The following SCHIP1 variants were observed in gnomAD, a reference collection of about 807,000 sequenced individuals.
SCHIP1 encodes schwannomin interacting protein 1, also known as schwannomin-interacting protein 1.
SCHIP1 carries 8 observed loss-of-function variants against 29.7 expected under a neutral mutation model. The ratio of observed to expected loss-of-function variants is 0.27; its 90% confidence interval spans 0.16 to 0.49. The LOEUF (loss-of-function observed/expected upper bound fraction) is 0.49, where lower values mean the gene tolerates loss of function less well. Among genes scored for constraint, SCHIP1 ranks in the 20% least tolerant of loss-of-function variants. SCHIP1 has a pLI of 0.99. For synonymous variants in SCHIP1, 76 were observed against 94.9 expected (o/e 0.80, Z 1.16); for missense variants, 193 against 294.6 (o/e 0.66, Z 2.52).
chr3:159,391,982 A>G, the SCHIP1 span, among the ~76,000 whole-genome samples: 1 of 152,220 alleles, frequency 6.6e-6, no homozygotes, highest in Non-Finnish European at 1.5e-5. Context: ...ACATCAGTAA[A>G]GGTTAGAGCG....
the SCHIP1 span, among the ~76,000 whole-genome samples, chr3:159,663,637 A>G: frequency 1.3e-5 from 2 of 152,236 alleles, no homozygotes; most frequent in Non-Finnish European, 2.9e-5. Flanking sequence ...TGTGTATGAT[A>G]CATACATACA....
the SCHIP1 span, among the ~76,000 whole-genome samples, chr3:159,294,319 T>C: frequency 6.6e-6 from 1 of 152,182 alleles, no homozygotes; most frequent in African/African-American, 2.4e-5. Context: ...TCTGCCTCAA[T>C]AGTAAATGAC....
the SCHIP1 span, among the ~76,000 whole-genome samples, chr3:159,667,277 A>C: frequency 6.6e-6 from 1 of 152,216 alleles, no homozygotes; most frequent in African/African-American, 2.4e-5. Flanking sequence ...TCCTGAGATG[A>C]CCAGCCTTTG....
chr3:159,345,237 A>AG, the SCHIP1 span, among the ~76,000 whole-genome samples: 2 of 151,874 alleles, frequency 1.3e-5, no homozygotes, highest in Non-Finnish European at 2.9e-5. Context: ...AAAAAAAAAA[A>AG]AAAAAGAAAA....
chr3:159,413,070 G>A, the SCHIP1 span, among the ~76,000 whole-genome samples: 4 of 152,200 alleles, frequency 2.6e-5, no homozygotes, highest in African/African-American at 9.7e-5. Context: ...AGAGAGAAGT[G>A]CAGAGCAAAA....
the SCHIP1 span, chr3:159,309,325 G>A: frequency 6.4e-6 from 1 of 155,294 alleles, no homozygotes; most frequent in African/African-American, 2.4e-5. Flanking sequence ...CTCTTATTTA[G>A]ACTCCTGTCA....
At chr3:159,379,969 T>C in the SCHIP1 span, among the ~76,000 whole-genome samples, 1 of 152,122 alleles carries the variant, frequency 6.6e-6, no homozygotes, top group African/African-American at 2.4e-5. Context: ...TAGCAGGGAG[T>C]CACAAATACA....
the SCHIP1 span, among the ~76,000 whole-genome samples, chr3:159,320,239 A>G: frequency 1.3e-5 from 2 of 152,214 alleles, no homozygotes; most frequent in Admixed American, 1.3e-4. Context: ...TATAACTGAT[A>G]GAGACTGAAA....
the SCHIP1 span, among the ~76,000 whole-genome samples, chr3:159,479,006 G>C: frequency 6.6e-6 from 1 of 152,052 alleles, no homozygotes; most frequent in African/African-American, 2.4e-5. Flanking sequence ...TCAGCAAATA[G>C]AAACCATTTT....
chr3:159,273,636 T>C, the SCHIP1 span: 4 of 1,339,090 alleles, frequency 3.0e-6, no homozygotes, highest in African/African-American at 1.5e-5. Context: ...AAATCTACTT[T>C]GAGCTGCTTG....
chr3:159,380,830 G>A, the SCHIP1 span, among the ~76,000 whole-genome samples: 2 of 152,090 alleles, frequency 1.3e-5, no homozygotes, highest in Non-Finnish European at 2.9e-5. Flanking sequence ...CGTATGGTCT[G>A]ACTCCAAAAC....
chr3:159,418,094 T>C, the SCHIP1 span, among the ~76,000 whole-genome samples: 1 of 152,222 alleles, frequency 6.6e-6, no homozygotes, highest in Admixed American at 6.5e-5. Flanking sequence ...TTAAGCAACA[T>C]TATTGTGACA....
At chr3:159,416,021 T>C in the SCHIP1 span, among the ~76,000 whole-genome samples, 3 of 104,380 alleles carry the variant, frequency 2.9e-5, no homozygotes, top group South Asian at 3.8e-4. Flanking sequence ...ATAAAACCTA[T>C]TTGATGGCAA....
At chr3:159,634,837 G>A in the SCHIP1 span, among the ~76,000 whole-genome samples, 1 of 152,012 alleles carries the variant, frequency 6.6e-6, no homozygotes, top group Non-Finnish European at 1.5e-5. Context: ...ATATTTTGCA[G>A]CAACTGTCAT....
chr3:159,679,566 T>C, the SCHIP1 span, among the ~76,000 whole-genome samples: 1 of 152,308 alleles, frequency 6.6e-6, no homozygotes, highest in South Asian at 2.1e-4. Flanking sequence ...TTGTCATGAG[T>C]AAACAGAGGT....
the SCHIP1 span, among the ~76,000 whole-genome samples, chr3:159,801,136 T>A: frequency 6.6e-6 from 1 of 152,154 alleles, no homozygotes; most frequent in Non-Finnish European, 1.5e-5. Context: ...TACGAGTGAC[T>A]CAAATTTAGC....
At chr3:159,505,478 AT>A in the SCHIP1 span, among the ~76,000 whole-genome samples, 10 of 151,994 alleles carry the variant, frequency 6.6e-5, no homozygotes, top group East Asian at 5.8e-4. Flanking sequence ...ATGTTTTTAT[AT>A]TTTTTTATTA....
chr3:159,505,481 T>A, the SCHIP1 span, among the ~76,000 whole-genome samples: 1 of 152,230 alleles, frequency 6.6e-6, no homozygotes, highest in African/African-American at 2.4e-5. Flanking sequence ...TTTTTATATT[T>A]TTTTATTATA....
chr3:159,483,632 TATTAA>T, the SCHIP1 span, among the ~76,000 whole-genome samples: 1 of 152,226 alleles, frequency 6.6e-6, no homozygotes, highest in East Asian at 1.9e-4. Context: ...TCTTGCATTT[TATTAA>T]ATCAACACAC....
Sources: allele counts gnomAD v4.1 joint callset (sites outside exome capture counted in the v4.1 genomes callset), GRCh38; gene constraint gnomAD v4.1.1; transcripts MANE v1.5; gene names NCBI Gene and HGNC (gene_info 2026-07-23, HGNC 2026-07-21).